VCF1: variants seen among roughly 807,000 people sequenced by gnomAD.
The protein encoded by VCF1 is VCP nuclear cofactor family member 1, also known as protein VCF1.
At chr17:73,227,871 G>C in the VCF1 span, 1 of 164,882 alleles carries the variant, frequency 6.1e-6, no homozygotes, top group Non-Finnish European at 1.3e-5. Flanking sequence ...TCTTAGGCAA[G>C]TGTTCTCGGA....
the VCF1 span, among the ~76,000 whole-genome samples, chr17:73,225,652 A>G: frequency 6.6e-6 from 1 of 151,780 alleles, no homozygotes; most frequent in East Asian, 1.9e-4. Context: ...ACACCATAGA[A>G]GTAATCTTTG....
the VCF1 span, among the ~76,000 whole-genome samples, chr17:73,222,622 C>T: frequency 6.6e-6 from 1 of 151,694 alleles, no homozygotes; most frequent in Non-Finnish European, 1.5e-5. Flanking sequence ...ACTAAAAATA[C>T]AAAAATTTGC....
the VCF1 span, among the ~76,000 whole-genome samples, chr17:73,223,565 C>G: frequency 6.6e-6 from 1 of 152,004 alleles, no homozygotes; most frequent in Non-Finnish European, 1.5e-5. Flanking sequence ...TTTCCTAGTA[C>G]TCGCCATTAT....
the VCF1 span, among the ~76,000 whole-genome samples, chr17:73,225,725 G>A: frequency 6.6e-6 from 1 of 151,228 alleles, no homozygotes. Flanking sequence ...CTATTACAGG[G>A]TTTTATCATT....
chr17:73,221,642 A>C, the VCF1 span, among the ~76,000 whole-genome samples: 8 of 152,174 alleles, frequency 5.3e-5, no homozygotes, highest in Non-Finnish European at 1.2e-4. Flanking sequence ...TAATCCTAAT[A>C]CTTTGGAAGG....
At chr17:73,232,189 G>A in the VCF1 span, 1 of 1,609,474 alleles carries the variant, frequency 6.2e-7, no homozygotes, top group Non-Finnish European at 8.5e-7. Flanking sequence ...CGGCCGCCAC[G>A]CCCACCCCCT....
the VCF1 span, among the ~76,000 whole-genome samples, chr17:73,224,269 A>C: frequency 2.6e-5 from 4 of 151,030 alleles, no homozygotes; most frequent in African/African-American, 7.3e-5. Flanking sequence ...TCTCCAAAAA[A>C]AAAAAAAAAA....
chr17:73,208,883 T>TAAAA, the VCF1 span: 1 of 294,646 alleles, frequency 3.4e-6, no homozygotes, highest in East Asian at 9.1e-5. Flanking sequence ...TACAAGAATC[T>TAAAA]AAAAGACATT....
At chr17:73,230,199 C>T in the VCF1 span, among the ~76,000 whole-genome samples, 8,450 of 151,826 alleles carry the variant, frequency 0.056, 469 homozygotes, top group East Asian at 0.18. Context: ...AGGAGGCTGA[C>T]GTGGGAGGAT....
the VCF1 span, among the ~76,000 whole-genome samples, chr17:73,224,261 TCCAAAAAAA>T: frequency 1.4e-5 from 1 of 70,352 alleles, no homozygotes; most frequent in African/African-American, 5.8e-5. Context: ...ACGTCGTCTC[TCCAAAAAAA>T]AAAAAAAAAA....
chr17:73,232,062 G>C, the VCF1 span: 1 of 1,575,368 alleles, frequency 6.3e-7, no homozygotes, highest in East Asian at 2.3e-5. Context: ...GCGACGAATG[G>C]AAAGGGGGTC....
chr17:73,213,990 T>C, the VCF1 span, among the ~76,000 whole-genome samples: 84,233 of 151,938 alleles, frequency 0.55, 23,819 homozygotes, highest in Non-Finnish European at 0.62. Context: ...AAAAGAATGC[T>C]ACTAGGAAAC....
the VCF1 span, among the ~76,000 whole-genome samples, chr17:73,222,549 G>A: frequency 2.6e-3 from 388 of 151,598 alleles, 2 homozygotes; most frequent in Admixed American, 3.5e-3. Context: ...AGGCCAAGGC[G>A]GATGGATCAC....
At chr17:73,209,759 T>TG in the VCF1 span, 1 of 1,541,860 alleles carries the variant, frequency 6.5e-7, no homozygotes, top group Non-Finnish European at 8.7e-7. Flanking sequence ...CCACTGTCAC[T>TG]GCCTGAAGAC....
chr17:73,224,023 A>G, the VCF1 span, among the ~76,000 whole-genome samples: 1 of 138,484 alleles, frequency 7.2e-6, no homozygotes, highest in African/African-American at 2.6e-5. Context: ...GGAGGGAAGA[A>G]GGGAGGGAGG....
chr17:73,216,709 T>C, the VCF1 span, among the ~76,000 whole-genome samples: 4 of 152,202 alleles, frequency 2.6e-5, no homozygotes, highest in Non-Finnish European at 5.9e-5. Flanking sequence ...AAGGGCTAGA[T>C]ATAACTAAAT....
chr17:73,225,857 A>G, the VCF1 span, among the ~76,000 whole-genome samples: 1 of 144,882 alleles, frequency 6.9e-6, no homozygotes, highest in Non-Finnish European at 1.5e-5. Context: ...AAAAAAGCAA[A>G]TAGGAAAAAA....
the VCF1 span, chr17:73,207,934 T>TAAA: frequency 9.3e-7 from 1 of 1,071,892 alleles, no homozygotes; most frequent in South Asian, 1.9e-5. Flanking sequence ...GATGGTAGTT[T>TAAA]AAAAAAAAAA....
chr17:73,226,354 C>T, the VCF1 span, among the ~76,000 whole-genome samples: 1 of 152,260 alleles, frequency 6.6e-6, no homozygotes, highest in South Asian at 2.1e-4. Context: ...GAATTGCTGG[C>T]AAAGACAGAC....
Sources: gnomAD v4.1 joint callset for allele counts (sites outside exome capture counted in the v4.1 genomes callset) on GRCh38, gnomAD v4.1.1 for gene constraint, MANE v1.5 for transcripts, NCBI Gene and HGNC (gene_info 2026-07-23, HGNC 2026-07-21) for gene names.